ABCC2: variants seen among roughly 807,000 people sequenced by gnomAD.
ABCC2 encodes the protein ATP binding cassette subfamily C member 2, also known as ATP-binding cassette sub-family C member 2.
A neutral mutation model predicts 173.4 loss-of-function variants in ABCC2; 157 were observed. That is an observed-to-expected ratio of 0.91 (90% CI 0.80 to 1.03). ABCC2 has a LOEUF of 1.03. Among genes scored for constraint, ABCC2 ranks in the 50% least tolerant of loss-of-function variants. The pLI is 0.00. For synonymous variants in ABCC2, 657 were observed against 693.5 expected (o/e 0.95, Z 0.83); for missense variants, 1,822 against 1,852.3 (o/e 0.98, Z 0.30).
At chr10:99,821,993 T>G (rs1055218420) in intron 19 of ABCC2, among the ~76,000 whole-genome samples, 1 of 152,018 alleles carries the variant, frequency 6.6e-6, no homozygotes. Context: ...CCTAGGCAAA[T>G]AGGAGGATAA....
intron 11 of ABCC2, among the ~76,000 whole-genome samples, chr10:99,806,015 A>C (rs1389023054): frequency 6.6e-6 from 1 of 151,776 alleles, no homozygotes; most frequent in Non-Finnish European, 1.5e-5. Flanking sequence ...GACCCAAAAA[A>C]TGTCCATGCA....
At chr10:99,785,271 C>G (rs2037686060) in intron 2 of ABCC2, among the ~76,000 whole-genome samples, 1 of 152,108 alleles carries the variant, frequency 6.6e-6, no homozygotes, top group Non-Finnish European at 1.5e-5. Flanking sequence ...GATGATCACT[C>G]ACAGTAGAAG....
intron 19 of ABCC2, among the ~76,000 whole-genome samples, chr10:99,825,618 A>G (rs557882141): frequency 3.1e-4 from 47 of 152,344 alleles, no homozygotes; most frequent in African/African-American, 1.1e-3. Context: ...GGAATTGAAG[A>G]GCTAATAACC....
At chr10:99,821,805 C>T (rs949512448) in intron 19 of ABCC2, among the ~76,000 whole-genome samples, 2 of 151,706 alleles carry the variant, frequency 1.3e-5, no homozygotes, top group African/African-American at 2.4e-5. Context: ...ACATTTCCCC[C>T]TTTTCTTTTC....
intron 8 of ABCC2, among the ~76,000 whole-genome samples, chr10:99,799,973 AG>A: frequency 6.6e-6 from 1 of 152,318 alleles, no homozygotes; most frequent in South Asian, 2.1e-4. Flanking sequence ...AGATTGAGGC[AG>A]GAAGATTGTT....
Position 99,831,766 on chromosome 10 carries a change from C to A in ABCC2, c.3039C>A (p.Thr1013=). ...GTGACTCTAAAATCTTCAATAGCACCGACTATCCAGCATCTCAGAGGGACA... is the reference window on the plus strand; with the variant it reads ...GTGACTCTAAAATCTTCAATAGCACAGACTATCCAGCATCTCAGAGGGACA... ...WTSDSKIFNS[T]DYPASQRDMR... is the part of the protein sequence containing the mutation. Residue 1013 remains threonine, a synonymous_variant, in exon 22 of 32, where the codon ACC becomes ACA. Coordinates refer to ENST00000647814, the MANE Select transcript of ABCC2 (RefSeq NM_000392.5). The A allele has an allele frequency of 6.2e-7, 1 of 1,614,184 alleles. No individual in the cohort carries two copies. Among genetic ancestry groups the A allele is most frequent in the Non-Finnish European group, 8.5e-7 (1 of 1,180,034 alleles).
intron 2 of ABCC2, 35 bp downstream of exon 2, chr10:99,784,816 C>T (rs751840784): frequency 6.2e-7 from 1 of 1,607,454 alleles, no homozygotes; most frequent in Admixed American, 1.7e-5. Flanking sequence ...AACTCTAATT[C>T]CTTGGTGCAC....
At chr10:99,850,373 G>GA (rs2039071512) in intron 30 of ABCC2, among the ~76,000 whole-genome samples, 1 of 152,226 alleles carries the variant, frequency 6.6e-6, no homozygotes, top group Non-Finnish European at 1.5e-5. Flanking sequence ...CAAGGGCCCA[G>GA]AAATATGACT....
At chr10:99,784,111 A>G (rs2037664865) in intron 1 of ABCC2, among the ~76,000 whole-genome samples, 1 of 151,566 alleles carries the variant, frequency 6.6e-6, no homozygotes, top group South Asian at 2.1e-4. Context: ...GCTGTGCTGA[A>G]ACTGGCCAGG....
chr10:99,846,941 C>G lies in ABCC2; in HGVS notation c.4147-20C>G, dbSNP rs372796655. ...TTTCTGGCATGAGCCCCAACAGCCC[C>G]CTTGTCCTTTCACTTGCAGGACCCC... On this transcript the variant is annotated intron_variant, in intron 29 of 31. Transcript: ENST00000647814. 1.2e-4 allele frequency: 189 copies of G among 1,613,944 alleles called. No individual in the cohort carries two copies. Among genetic ancestry groups the G allele is most frequent in the Non-Finnish European group, 1.6e-4 (187 of 1,179,982 alleles).
At chr10:99,848,196 G>A (rs979815240) in intron 30 of ABCC2, among the ~76,000 whole-genome samples, 1 of 152,206 alleles carries the variant, frequency 6.6e-6, no homozygotes, top group Non-Finnish European at 1.5e-5. Flanking sequence ...GACAGGGAAC[G>A]TGACATCTGT....
At chr10:99,821,714 G>A (rs964112430) in intron 19 of ABCC2, among the ~76,000 whole-genome samples, 50 of 152,326 alleles carry the variant, frequency 3.3e-4, no homozygotes, top group African/African-American at 1.2e-3. Context: ...ATTTTTCTTA[G>A]TACATAACAA....
chr10:99,807,417 A>G lies in ABCC2; in HGVS notation c.1564A>G (p.Arg522Gly), dbSNP rs2038130261. 2 of 1,614,020 alleles carry G rather than the reference A, an allele frequency of 1.2e-6. No individual in the cohort carries two copies. Among genetic ancestry groups the G allele is most frequent in the Non-Finnish European group, 1.7e-6 (2 of 1,180,012 alleles). Residue 522 changes from arginine (R) to glycine (G), a missense_variant, in exon 12 of 32, where the codon AGA becomes GGA. Arg to Gly is a moderately radical substitution (Grantham distance 125, BLOSUM62 -2). Transcript: ENST00000647814. ...LKYFAWEPSF[R>G]DQVQNLRKKE... ...ATATTTTGCCTGGGAACCTTCATTC[A>G]GAGACCAAGTACAAAACCTCCGGAA...
rs1298444489 is a variant in ABCC2, at chr10:99,851,706, A to C, written c.*75A>C. Reference sequence around the variant, plus strand: ...AATTTTATTTTTTATAAAATACAGAATACATACAAAAGTGTGTATAAAATG... The same window carrying C: ...AATTTTATTTTTTATAAAATACAGACTACATACAAAAGTGTGTATAAAATG... On this transcript the variant is annotated 3_prime_UTR_variant, in exon 32 of 32. Coordinates refer to ENST00000647814, the MANE Select transcript of ABCC2 (RefSeq NM_000392.5). The C allele has an allele frequency of 7.3e-7, 1 of 1,369,052 alleles. No individual in the cohort carries two copies. The highest frequency in any genetic ancestry group is 1.5e-5 in the African/African-American group (1 of 68,346). The allele number at this position is 1,369,052 out of a possible 1,614,324, so 84.8% of individuals were successfully genotyped here.
intron 20 of ABCC2, 108 bp from the exon 21 acceptor site, chr10:99,830,608 T>C: frequency 6.3e-7 from 1 of 1,580,302 alleles, no homozygotes; most frequent in African/African-American, 1.3e-5. Context: ...TTTCCCCTGG[T>C]CATCTGCCCT....
chr10:99,841,882 G>C, intron 25 of ABCC2, 85 bp from the exon 26 acceptor site: 1 of 1,601,392 alleles, frequency 6.2e-7, no homozygotes, highest in East Asian at 2.2e-5. Flanking sequence ...CAAACCCTCT[G>C]AGAATGTTCT....
chr10:99,805,744 C>T (rs770875454), intron 11 of ABCC2, among the ~76,000 whole-genome samples: 1 of 152,186 alleles, frequency 6.6e-6, no homozygotes, highest in African/African-American at 2.4e-5. Context: ...CAGGAATTAT[C>T]AGCATGACCT....
In ABCC2 at chr10:99,797,345, G is replaced by C. The variant is rs1484012646; in HGVS notation, c.867+14G>C. 6.2e-7 allele frequency: 1 copy of C among 1,605,190 alleles called. No homozygotes were observed. Among genetic ancestry groups the C allele is most frequent in the Non-Finnish European group, 8.5e-7 (1 of 1,175,526 alleles). ...GCCCTTGTCCTGGTAACTTTCCCTTGAGTGTCTGTGTGAGCGCGCTGCATG... is the reference window on the plus strand; with the variant it reads ...GCCCTTGTCCTGGTAACTTTCCCTTCAGTGTCTGTGTGAGCGCGCTGCATG... On this transcript the variant is annotated intron_variant, in intron 7 of 31. Coordinates refer to ENST00000647814, the MANE Select transcript of ABCC2 (RefSeq NM_000392.5).
chr10:99,832,133 T>G lies in ABCC2; in HGVS notation c.3258+2T>G, dbSNP rs2038752283. On this transcript the variant is annotated splice_donor_variant, in intron 23 of 31. Transcript: ENST00000647814. LOFTEE classifies it high-confidence loss of function. ...CGGATTGTGAACAGGTTTGCCGGCG[T>G]AAGTATCTCAAGAACTGTCAGGTGG... 1 of 1,614,180 alleles carries G rather than the reference T, an allele frequency of 6.2e-7. No individual in the cohort carries two copies. The highest frequency in any genetic ancestry group is 1.3e-5 in the African/African-American group (1 of 75,026).
Sources: allele counts gnomAD v4.1 joint callset (sites outside exome capture counted in the v4.1 genomes callset), GRCh38; gene constraint gnomAD v4.1.1; transcripts MANE v1.5; gene names NCBI Gene and HGNC (gene_info 2026-07-23, HGNC 2026-07-21).